Variants in LRRC4C observed in about 807,000 individuals in gnomAD.
LRRC4C encodes the protein leucine rich repeat containing 4C.
In LRRC4C, 5 loss-of-function variants were observed where a neutral mutation model predicts 33.6. The observed-to-expected ratio is 0.15, with a 90% CI of 0.08 to 0.31. LRRC4C has a LOEUF of 0.31. LRRC4C is among the 10% of genes least tolerant of loss of function. The pLI, the probability that LRRC4C is intolerant of heterozygous loss-of-function variation, is 1.00. For missense variants in LRRC4C, 560 were observed against 796.7 expected, an observed-to-expected ratio of 0.70 and a Z score of 3.58; for synonymous variants, 329 against 302.0, an observed-to-expected ratio of 1.09 and a Z score of -0.93.
chr11:40,865,879 A>C (rs1302683682), intron 2 of LRRC4C, among the ~76,000 whole-genome samples: 1 of 152,044 alleles, frequency 6.6e-6, no homozygotes, highest in Non-Finnish European at 1.5e-5. Context: ...GTACATTATT[A>C]ATAACATAAG....
chr11:40,605,419 C>T (rs1279762377), intron 3 of LRRC4C, among the ~76,000 whole-genome samples: 2 of 152,082 alleles, frequency 1.3e-5, no homozygotes, highest in South Asian at 2.1e-4. Flanking sequence ...AATGATTCAA[C>T]AATACATGAA....
intron 1 of LRRC4C, among the ~76,000 whole-genome samples, chr11:41,114,448 T>C (rs1351133477): frequency 1.3e-5 from 2 of 152,026 alleles, no homozygotes; most frequent in African/African-American, 2.4e-5. Context: ...TCAAAGGATG[T>C]CCTGAAGACT....
chr11:40,713,808 C>T (rs1299523555), intron 2 of LRRC4C, among the ~76,000 whole-genome samples: 1 of 152,100 alleles, frequency 6.6e-6, no homozygotes, highest in African/African-American at 2.4e-5. Context: ...TTATGTTTCA[C>T]CCCAAACAAA....
chr11:40,593,123 A>G (rs1342443002), intron 3 of LRRC4C, among the ~76,000 whole-genome samples: 1 of 152,212 alleles, frequency 6.6e-6, no homozygotes, highest in Non-Finnish European at 1.5e-5. Context: ...AACTCTCAGG[A>G]CTAGATGTGC....
At chr11:40,639,015 T>C (rs139868465) in intron 3 of LRRC4C, among the ~76,000 whole-genome samples, 1 of 152,176 alleles carries the variant, frequency 6.6e-6, no homozygotes, top group East Asian at 1.9e-4. Flanking sequence ...GTTAAAGAGA[T>C]TTCTTTTTCA....
chr11:41,081,137 G>A (rs1939539562), intron 1 of LRRC4C, among the ~76,000 whole-genome samples: 2 of 152,110 alleles, frequency 1.3e-5, no homozygotes, highest in African/African-American at 4.8e-5. Flanking sequence ...TGTCAATCAA[G>A]TTTTCTTAAT....
chr11:40,738,621 A>C (rs1414967008), intron 2 of LRRC4C, among the ~76,000 whole-genome samples: 1 of 152,150 alleles, frequency 6.6e-6, no homozygotes, highest in African/African-American at 2.4e-5. Flanking sequence ...AAAAGACATT[A>C]TTTGGAGACA....
At chr11:41,120,350 G>C (rs1942358520) in intron 1 of LRRC4C, among the ~76,000 whole-genome samples, 1 of 152,064 alleles carries the variant, frequency 6.6e-6, no homozygotes, top group Non-Finnish European at 1.5e-5. Flanking sequence ...CATTGTGCAG[G>C]GTACTTTTTT....
intron 6 of LRRC4C, among the ~76,000 whole-genome samples, chr11:40,140,263 C>T (rs1185071173): frequency 6.6e-6 from 1 of 152,132 alleles, no homozygotes. Context: ...GCTGCCTCCT[C>T]ATCTTTTCTC....
At chr11:40,752,334 T>C (rs1948732649) in intron 2 of LRRC4C, among the ~76,000 whole-genome samples, 1 of 152,018 alleles carries the variant, frequency 6.6e-6, no homozygotes, top group South Asian at 2.1e-4. Flanking sequence ...AAGAAAATAC[T>C]GCAAACTATT....
intron 2 of LRRC4C, among the ~76,000 whole-genome samples, chr11:40,832,044 C>T (rs1209553068): frequency 6.6e-6 from 1 of 152,090 alleles, no homozygotes; most frequent in Non-Finnish European, 1.5e-5. Flanking sequence ...AATTATATCA[C>T]TGTGTGATTG....
rs1125524 is a variant in LRRC4C, at chr11:40,598,358, G to A, written c.-270+49784C>T. ...GAAAATGGCTAAGGTTTTAAGACAA[G>A]TATTTTTGTTATAGCATCTGTCACC... On this transcript the variant is annotated intron_variant, in intron 3 of 6. Coordinates refer to ENST00000528697, the MANE Select transcript of LRRC4C (RefSeq NM_001258419.2). Among the ~76,000 whole-genome samples, 445 of 152,262 alleles carry A rather than the reference G, an allele frequency of 2.9e-3. 1 individual carries two copies. The highest frequency in any genetic ancestry group is 0.01 in the African/African-American group (422 of 41,566).
intron 1 of LRRC4C, among the ~76,000 whole-genome samples, chr11:41,163,615 G>GT (rs111894064): frequency 0.078 from 11,138 of 143,142 alleles, 814 homozygotes; most frequent in African/African-American, 0.2. Context: ...TTTAAAAACT[G>GT]TTTTTTTTTT....
chr11:41,151,884 A>G (rs552582120), intron 1 of LRRC4C, among the ~76,000 whole-genome samples: 1 of 152,360 alleles, frequency 6.6e-6, no homozygotes, highest in African/African-American at 2.4e-5. Context: ...TGGTATTTTT[A>G]TAATGTCTAA....
Position 41,303,079 on chromosome 11 carries a change from G to GTCCCTCTCCCTCTCCCTC in LRRC4C, c.-496+156334_-496+156351dup, listed in dbSNP as rs142390416. On this transcript the variant is annotated intron_variant, in intron 1 of 6. Coordinates refer to ENST00000528697, the MANE Select transcript of LRRC4C (RefSeq NM_001258419.2). The stretch of plus-strand genomic sequence containing the variant: ...GGATTTTTAGAAAAATACTGCATTA[G>GTCCCTCTCCCTCTCCCTC]TCCCTCTCCCTCTCCCTCTCCCTCT... Among the ~76,000 whole-genome samples the GTCCCTCTCCCTCTCCCTC allele has an allele frequency of 3.5e-3, 363 of 103,934 alleles. 1 individual carries two copies. The highest frequency in any genetic ancestry group is 9.3e-3 in the East Asian group (35 of 3,748). The allele number at this position is 103,934 out of a possible 152,430, so 68.2% of individuals were successfully genotyped here.
intron 1 of LRRC4C, among the ~76,000 whole-genome samples, chr11:41,237,637 G>A (rs1948078811): frequency 6.6e-6 from 1 of 152,096 alleles, no homozygotes; most frequent in African/African-American, 2.4e-5. Context: ...ACACCTTCCT[G>A]CAAGAAACAA....
chr11:40,552,490 C>A (rs1222571344), intron 3 of LRRC4C, among the ~76,000 whole-genome samples: 1 of 152,078 alleles, frequency 6.6e-6, no homozygotes, highest in African/African-American at 2.4e-5. Flanking sequence ...ATTTAAGGAA[C>A]CCCCCACAAT....
chr11:40,952,664 G>T (rs764456169), intron 1 of LRRC4C, among the ~76,000 whole-genome samples: 4 of 151,806 alleles, frequency 2.6e-5, no homozygotes, highest in Non-Finnish European at 5.9e-5. Context: ...CCAACAAGAC[G>T]CTCCAGGAGA....
chr11:41,030,644 A>T lies in LRRC4C; in HGVS notation c.-495-96921T>A, dbSNP rs1856667283. 2.0e-5 allele frequency among the ~76,000 whole-genome samples: 3 copies of T among 151,962 alleles called. No individual in the cohort carries two copies. In the South Asian group the frequency reaches 6.2e-4, roughly 32 times the overall value. On this transcript the variant is annotated intron_variant, in intron 1 of 6. Transcript: ENST00000528697. ...GCTAAATCATCAGCCGCTTGGTGAA[A>T]CCTTTCAAATAGTAGACCTTGTTTT...
Sources: allele counts gnomAD v4.1 joint callset (sites outside exome capture counted in the v4.1 genomes callset), GRCh38; gene constraint gnomAD v4.1.1; transcripts MANE v1.5; gene names NCBI Gene and HGNC (gene_info 2026-07-23, HGNC 2026-07-21).